The following RBMS3 variants were observed in gnomAD, a reference collection of about 807,000 sequenced individuals.
RBMS3 encodes the protein RNA binding motif single stranded interacting protein 3.
Under a neutral mutation model 66.8 loss-of-function variants are expected in RBMS3, and 27 were observed. The observed-to-expected ratio is 0.40, with a 90% CI of 0.30 to 0.56. RBMS3 has a LOEUF of 0.56. Among genes scored for constraint, RBMS3 ranks in the 20% least tolerant of loss-of-function variants. The pLI, the probability that RBMS3 is intolerant of heterozygous loss-of-function variation, is 0.40. For synonymous variants in RBMS3, 188 were observed against 183.0 expected (o/e 1.03, Z -0.22); for missense variants, 513 against 549.5 (o/e 0.93, Z 0.66).
At chr3:29,778,427 A>T (rs1239697505) in intron 6 of RBMS3, among the ~76,000 whole-genome samples, 1 of 147,170 alleles carries the variant, frequency 6.8e-6, no homozygotes, top group African/African-American at 2.6e-5. Context: ...CTTATCAATA[A>T]ACTTTTTTTT....
At position 30,010,223 on chromosome 3, in the gene RBMS3, T is replaced by C. The variant is rs1699925464; in HGVS notation, c.*6361T>C. On this transcript the variant is annotated 3_prime_UTR_variant, in exon 15 of 15. Coordinates refer to ENST00000383767, the MANE Select transcript of RBMS3 (RefSeq NM_001003793.3). ...CTGACTGTCATGGAAAGTTCTGTAATTCTAAGGTGTTTCTGGTTTTATTTT... is the reference window on the plus strand; with the variant it reads ...CTGACTGTCATGGAAAGTTCTGTAACTCTAAGGTGTTTCTGGTTTTATTTT... The C allele has an allele frequency of 6.6e-6, 1 of 152,222 alleles. No individual in the cohort carries two copies. Among genetic ancestry groups the C allele is most frequent in the Non-Finnish European group, 1.5e-5 (1 of 68,038 alleles). 9.4% of individuals were successfully genotyped at this position (152,222 alleles called of 1,614,324 possible).
rs569336769 is a variant in RBMS3, at chr3:29,504,567, T to G, written c.307+16068T>G. ...TACTATGAACAAGCAAGTGCAGATA[T>G]CTCTTTGGCATACTGATTCTATTCC... On this transcript the variant is annotated intron_variant, in intron 3 of 14. Transcript: ENST00000383767. Among the ~76,000 whole-genome samples the G allele has an allele frequency of 4.0e-5, 6 of 149,562 alleles. No individual in the cohort carries two copies. The South Asian group carries it at 1.3e-3, about 32-fold the overall frequency.
intron 6 of RBMS3, among the ~76,000 whole-genome samples, chr3:29,858,653 A>T (rs2059138376): frequency 6.6e-6 from 1 of 152,220 alleles, no homozygotes; most frequent in African/African-American, 2.4e-5. Flanking sequence ...ACTAAATTTA[A>T]CTGTCAGTGA....
intron 6 of RBMS3, among the ~76,000 whole-genome samples, chr3:29,839,087 T>C (rs1338529569): frequency 6.6e-6 from 1 of 152,088 alleles, no homozygotes; most frequent in Admixed American, 6.6e-5. Context: ...GCATAATGAG[T>C]GGATTGTTAA....
chr3:29,457,956 CCTAT>C (rs2042251474), intron 2 of RBMS3, among the ~76,000 whole-genome samples: 1 of 145,370 alleles, frequency 6.9e-6, no homozygotes. Context: ...CCACCACTCT[CCTAT>C]CTAAGTAACT....
At chr3:29,779,084 A>C (rs1200507573) in intron 6 of RBMS3, among the ~76,000 whole-genome samples, 1 of 151,712 alleles carries the variant, frequency 6.6e-6, no homozygotes, top group Non-Finnish European at 1.5e-5. Context: ...ATACTTCAAC[A>C]CTCATTCTAA....
chr3:29,441,513 CTTG>C (rs1237355520), intron 2 of RBMS3, among the ~76,000 whole-genome samples: 2 of 152,074 alleles, frequency 1.3e-5, no homozygotes, highest in African/African-American at 4.8e-5. Flanking sequence ...GGTTAAGAAA[CTTG>C]TTCAAATTTA....
intron 4 of RBMS3, among the ~76,000 whole-genome samples, chr3:29,595,292 G>A (rs1053644112): frequency 6.6e-6 from 1 of 151,548 alleles, no homozygotes; most frequent in African/African-American, 2.4e-5. Flanking sequence ...CCAGCTACTC[G>A]GGAGGCTGAG....
At position 29,648,263 on chromosome 3, in the gene RBMS3, A is replaced by ATTTTTTTTTTTTTTTTTTTTTT. The variant is rs749839563; in HGVS notation, c.399+61059_399+61080dup. Among the ~76,000 whole-genome samples the ATTTTTTTTTTTTTTTTTTTTTT allele has an allele frequency of 1.2e-3, 93 of 77,642 alleles. 7 individuals are homozygous for ATTTTTTTTTTTTTTTTTTTTTT. The highest frequency in any genetic ancestry group is 2.5e-3 in the African/African-American group (47 of 19,130). The allele number at this position is 77,642 out of a possible 152,430, so 50.9% of individuals were successfully genotyped here. ...AACATAGGGAAAATAGAAAATGTCT[A>ATTTTTTTTTTTTTTTTTTTTTT]TTTTTTTTTTTTTTTTTTTTTTGCG... On this transcript the variant is annotated intron_variant, in intron 4 of 14. Transcript: ENST00000383767.
At chr3:29,411,557 A>G (rs1369489486) in intron 1 of RBMS3, among the ~76,000 whole-genome samples, 1 of 152,176 alleles carries the variant, frequency 6.6e-6, no homozygotes, top group Non-Finnish European at 1.5e-5. Flanking sequence ...ACTAGTTATT[A>G]TTTGCTAATA....
chr3:29,861,435 C>T (rs2059214393), intron 6 of RBMS3, among the ~76,000 whole-genome samples: 1 of 152,052 alleles, frequency 6.6e-6, no homozygotes, highest in African/African-American at 2.4e-5. Flanking sequence ...ATATTTAAAA[C>T]CATCACCACA....
chr3:29,701,968 G>A (rs992404198), intron 4 of RBMS3, among the ~76,000 whole-genome samples: 1 of 152,226 alleles, frequency 6.6e-6, no homozygotes, highest in Non-Finnish European at 1.5e-5. Flanking sequence ...CGCGGCCGTG[G>A]CGCGGGATCC....
chr3:29,601,152 T>G (rs879393315), intron 4 of RBMS3, among the ~76,000 whole-genome samples: 12 of 151,570 alleles, frequency 7.9e-5, no homozygotes, highest in Non-Finnish European at 1.8e-4. Flanking sequence ...TTATTACTTA[T>G]TTTACATAAT....
rs949221158 is a variant in RBMS3 at position 29,528,198 on chromosome 3, C to T, written c.307+39699C>T. Among the ~76,000 whole-genome samples the T allele has an allele frequency of 1.1e-4, 16 of 150,642 alleles. No homozygotes were observed. The East Asian group carries it at 1.8e-3, about 17-fold the overall frequency. ...CATGATCTAGGCTCACTGTAACCTC[C>T]GCCTCACAGGTCCAAGCAATTCTCC... On this transcript the variant is annotated intron_variant, in intron 3 of 14. Coordinates refer to ENST00000383767, the MANE Select transcript of RBMS3 (RefSeq NM_001003793.3).
rs572647225 is a variant in RBMS3, at chr3:29,396,432, G to A, written c.76-38311G>A. On this transcript the variant is annotated intron_variant, in intron 1 of 14. Transcript: ENST00000383767. ...TGCTATTATTATTATGGGGTTAAAT[G>A]GCAAAATTGGAGTACTAATTCTAGA... Among the ~76,000 whole-genome samples, 203 of 152,178 alleles carry A rather than the reference G, an allele frequency of 1.3e-3. 1 individual carries two copies. Among genetic ancestry groups the A allele is most frequent in the African/African-American group, 4.6e-3 (189 of 41,526 alleles).
At chr3:29,742,069 A>G (rs1445336405) in intron 5 of RBMS3, among the ~76,000 whole-genome samples, 1 of 152,108 alleles carries the variant, frequency 6.6e-6, no homozygotes, top group Non-Finnish European at 1.5e-5. Flanking sequence ...TGAACTATTC[A>G]TTTCTCTCCC....
chr3:29,472,067 T>C (rs1434553174), intron 2 of RBMS3, among the ~76,000 whole-genome samples: 1 of 152,086 alleles, frequency 6.6e-6, no homozygotes, highest in South Asian at 2.1e-4. Flanking sequence ...AACAAGTAGA[T>C]AGAAAATTGT....
intron 12 of RBMS3, among the ~76,000 whole-genome samples, chr3:29,980,080 A>G (rs1195047775): frequency 7.9e-5 from 12 of 152,160 alleles, no homozygotes; most frequent in Non-Finnish European, 1.8e-4. Context: ...ATTTCTCCAC[A>G]TCCTCTCTAG....
intron 6 of RBMS3, among the ~76,000 whole-genome samples, chr3:29,818,278 T>A (rs1351283884): frequency 1.3e-5 from 2 of 152,050 alleles, no homozygotes; most frequent in Non-Finnish European, 1.5e-5. Flanking sequence ...TTGTTTTTTC[T>A]CCTTTCATTT....
Sources: gnomAD v4.1 joint callset for allele counts (sites outside exome capture counted in the v4.1 genomes callset) on GRCh38, gnomAD v4.1.1 for gene constraint, MANE v1.5 for transcripts, NCBI Gene and HGNC (gene_info 2026-07-23, HGNC 2026-07-21) for gene names.